GALNT18: variants seen among roughly 807,000 people sequenced by gnomAD.
GALNT18 encodes the protein GalNAc-transferase 18.
In GALNT18, 44 loss-of-function variants were observed where a neutral mutation model predicts 69.5. The ratio of observed to expected loss-of-function variants is 0.63; its 90% confidence interval spans 0.50 to 0.81. GALNT18 has a LOEUF of 0.81. Ranked by LOEUF, GALNT18 falls within the 40% of genes least tolerant of loss-of-function variation. The pLI is 0.00. For missense variants in GALNT18, 715 were observed against 810.0 expected, an observed-to-expected ratio of 0.88 and a Z score of 1.42; for synonymous variants, 364 against 318.2, an observed-to-expected ratio of 1.14 and a Z score of -1.53.
rs1302852140 is a variant in GALNT18, at chr11:11,540,369, C to T, written c.235+80990G>A. ...TCCCTGATGCTAGGACAAGAGCATG[C>T]CAAGAGCCCTGGGTGGTTTGGGTTT... is the stretch of plus-strand genomic sequence containing the variant. On this transcript the variant is annotated intron_variant, in intron 1 of 10. Coordinates refer to ENST00000227756, the MANE Select transcript of GALNT18 (RefSeq NM_198516.3). The surrounding 1 kb of genome is among the most constrained non-coding windows in gnomAD (Gnocchi z 4.6). 6.6e-6 allele frequency among the ~76,000 whole-genome samples: 1 copy of T among 152,164 alleles called. No individual in the cohort carries two copies. The highest frequency in any genetic ancestry group is 6.5e-5 in the Admixed American group (1 of 15,288).
At chr11:11,304,231 T>C (rs551838876) in intron 9 of GALNT18, among the ~76,000 whole-genome samples, 110 of 152,322 alleles carry the variant, frequency 7.2e-4, no homozygotes, top group African/African-American at 2.3e-3. Context: ...ACCTTTCCTC[T>C]GAGTCTATAA....
rs563112966 is a variant in GALNT18, at chr11:11,347,945, C to T, written c.1093-6941G>A. 6.6e-5 allele frequency among the ~76,000 whole-genome samples: 10 copies of T among 152,298 alleles called. No homozygotes were observed. In the South Asian group the frequency reaches 2.1e-3, roughly 32 times the overall value. On this transcript the variant is annotated intron_variant, in intron 6 of 10. Coordinates refer to ENST00000227756, the MANE Select transcript of GALNT18 (RefSeq NM_198516.3). The surrounding 1 kb of genome is among the most constrained non-coding windows in gnomAD (Gnocchi z 4.0). Reference sequence around the variant, plus strand: ...GAGCTGGCAGAAGACCAGAAAGTCACTCGCAGAGTGGCTGAACGGTCAGAG... The same window carrying T: ...GAGCTGGCAGAAGACCAGAAAGTCATTCGCAGAGTGGCTGAACGGTCAGAG...
intron 6 of GALNT18, among the ~76,000 whole-genome samples, chr11:11,361,478 T>C (rs1850645438): frequency 6.6e-6 from 1 of 152,366 alleles, no homozygotes; most frequent in South Asian, 2.1e-4. Context: ...ATACCTGTCA[T>C]ATTACTATTA....
chr11:11,307,036 G>T (rs929371128), intron 9 of GALNT18, among the ~76,000 whole-genome samples: 1 of 152,220 alleles, frequency 6.6e-6, no homozygotes, highest in South Asian at 2.1e-4. Flanking sequence ...TCTCACTCCA[G>T]CCGACTGTCA....
chr11:11,295,362 A>T (rs1489178733), intron 9 of GALNT18, among the ~76,000 whole-genome samples: 1 of 152,204 alleles, frequency 6.6e-6, no homozygotes, highest in Non-Finnish European at 1.5e-5. Context: ...AAGGGATAGG[A>T]TGATTCCCTG....
chr11:11,335,558 A>G (rs542280220), intron 7 of GALNT18, among the ~76,000 whole-genome samples: 23 of 152,326 alleles, frequency 1.5e-4, no homozygotes, highest in African/African-American at 5.5e-4. Flanking sequence ...TCTAAAATTC[A>G]TGTCTACCCA....
chr11:11,444,280 G>T lies in GALNT18; in HGVS notation c.428+4464C>A, dbSNP rs1590008318. ...CAGGCCCTGCCTCCCTGCCACAGAG[G>T]CACCAGAGGGACAGTGCTTCTGTGA... On this transcript the variant is annotated intron_variant, in intron 2 of 10. Transcript: ENST00000227756. The surrounding 1 kb of genome is among the most constrained non-coding windows in gnomAD (Gnocchi z 4.4). Among the ~76,000 whole-genome samples the T allele has an allele frequency of 6.6e-6, 1 of 152,056 alleles. No individual in the cohort carries two copies. Among genetic ancestry groups the T allele is most frequent in the Non-Finnish European group, 1.5e-5 (1 of 68,038 alleles).
In GALNT18 at chr11:11,377,976, C is replaced by A. The variant is rs142140473; in HGVS notation, c.780-597G>T. Among the ~76,000 whole-genome samples, 78 of 152,182 alleles carry A rather than the reference C, an allele frequency of 5.1e-4. No homozygotes were observed. In the East Asian group the frequency reaches 0.011, roughly 21 times the overall value. On this transcript the variant is annotated intron_variant, in intron 4 of 10. Transcript: ENST00000227756. The surrounding 1 kb of genome is among the most constrained non-coding windows in gnomAD (Gnocchi z 4.6). The stretch of plus-strand genomic sequence containing the variant: ...CTGGGAGACCCTTGAAGGCACCAGG[C>A]GAGTAAAGTGTTTGCAGGCAGGAAT...
intron 10 of GALNT18, among the ~76,000 whole-genome samples, chr11:11,286,526 G>A (rs952829380): frequency 2.6e-5 from 4 of 152,094 alleles, no homozygotes; most frequent in Admixed American, 6.5e-5. Context: ...GCATGCATCC[G>A]AGGACGGTCA....
Position 11,271,030 on chromosome 11 carries a change from GGGGGCCCACTA to G in GALNT18, c.*103_*113del. 1 of 847,274 alleles carries G rather than the reference GGGGGCCCACTA, an allele frequency of 1.2e-6. No individual in the cohort carries two copies. Among genetic ancestry groups the G allele is most frequent in the Non-Finnish European group, 1.8e-6 (1 of 565,614 alleles). 52.5% of individuals were successfully genotyped at this position (847,274 alleles called of 1,614,324 possible). A position where few individuals can be genotyped will look rare whatever the true frequency, so the allele number is the denominator to read the frequency against. ...GAATAGGAAATAAAAAGCTCTTCTT[GGGGGCCCACTA>G]ACCTGGTTCCCCAGACTCCAAACAA... is the stretch of plus-strand genomic sequence containing the variant. On this transcript the variant is annotated 3_prime_UTR_variant, in exon 11 of 11. Transcript: ENST00000227756.
chr11:11,351,084 G>T (rs1326732607), intron 6 of GALNT18, among the ~76,000 whole-genome samples: 1 of 152,206 alleles, frequency 6.6e-6, no homozygotes. Context: ...TATAGGGACA[G>T]ATGGAGTGTC....
chr11:11,271,809 T>G (rs1848833984), intron 10 of GALNT18, among the ~76,000 whole-genome samples: 1 of 152,212 alleles, frequency 6.6e-6, no homozygotes, highest in South Asian at 2.1e-4. Flanking sequence ...AGTCCTGACA[T>G]GCATGATTTT....
intron 10 of GALNT18, among the ~76,000 whole-genome samples, chr11:11,284,908 G>GATTTTTTTT (rs766754289): frequency 1.2e-5 from 1 of 82,822 alleles, no homozygotes; most frequent in Non-Finnish European, 2.1e-5. Context: ...AGACTTTCGT[G>GATTTTTTTT]TTTTTTTTTT....
intron 9 of GALNT18, among the ~76,000 whole-genome samples, chr11:11,294,274 T>C (rs1849357835): frequency 6.6e-6 from 1 of 152,232 alleles, no homozygotes; most frequent in Non-Finnish European, 1.5e-5. Flanking sequence ...AAATGCTGTC[T>C]ACCAGAGAAT....
intron 3 of GALNT18, among the ~76,000 whole-genome samples, chr11:11,409,237 A>G (rs909130942): frequency 6.6e-6 from 1 of 152,062 alleles, no homozygotes; most frequent in African/African-American, 2.4e-5. Context: ...TCTTCTCCCC[A>G]GCTCCCTGCT....
chr11:11,282,392 C>T (rs1849099282), intron 10 of GALNT18, among the ~76,000 whole-genome samples: 1 of 152,178 alleles, frequency 6.6e-6, no homozygotes, highest in South Asian at 2.1e-4. Context: ...ACTTTACATG[C>T]CCAATTCCAG....
In GALNT18 at chr11:11,542,283, C is replaced by T. The variant is rs1442234286; in HGVS notation, c.235+79076G>A. Among the ~76,000 whole-genome samples the T allele has an allele frequency of 6.6e-6, 1 of 152,120 alleles. No homozygotes were observed. The highest frequency in any genetic ancestry group is 1.5e-5 in the Non-Finnish European group (1 of 68,022). On this transcript the variant is annotated intron_variant, in intron 1 of 10. Transcript: ENST00000227756. This position sits in a 1 kb window ranked among gnomAD's most constrained non-coding sequence, Gnocchi z 4.3. The stretch of plus-strand genomic sequence containing the variant: ...CCCCTCCTTGTAGATCTAGCCTTTC[C>T]CTCAGCCTTTCTCCCTACCAGATAG...
Position 11,540,076 on chromosome 11 carries a change from C to T in GALNT18, c.235+81283G>A, listed in dbSNP as rs1032004781. Among the ~76,000 whole-genome samples the T allele has an allele frequency of 4.6e-5, 7 of 152,216 alleles. 1 individual carries two copies. The highest frequency in any genetic ancestry group is 1.7e-4 in the African/African-American group (7 of 41,462). ...GGCCTCTGGGCTGGCACCCCAGCCC[C>T]ACCCACCACCATCTCTCTGGGCCTC... is the stretch of plus-strand genomic sequence containing the variant. On this transcript the variant is annotated intron_variant, in intron 1 of 10. Transcript: ENST00000227756. The surrounding 1 kb of genome is among the most constrained non-coding windows in gnomAD (Gnocchi z 4.6).
intron 9 of GALNT18, among the ~76,000 whole-genome samples, chr11:11,316,155 C>T (rs2133034677): frequency 6.6e-6 from 1 of 152,312 alleles, no homozygotes; most frequent in African/African-American, 2.4e-5. Flanking sequence ...CAATACCATT[C>T]ACTAGCAGAC....
Sources: gnomAD v4.1 joint callset for allele counts (sites outside exome capture counted in the v4.1 genomes callset) on GRCh38, gnomAD v4.1.1 for gene constraint, Gnocchi (gnomAD v3.1) non-coding constraint, MANE v1.5 for transcripts, NCBI Gene and HGNC (gene_info 2026-07-23, HGNC 2026-07-21) for gene names.